METTL2B: variants seen among roughly 807,000 people sequenced by gnomAD.
The protein encoded by METTL2B is tRNA N(3)-cytidine methyltransferase METTL2B.
In METTL2B, 28 loss-of-function variants were observed where a neutral mutation model predicts 51.0. The observed-to-expected ratio is 0.55, with a 90% CI of 0.41 to 0.75. METTL2B has a LOEUF of 0.75. Among genes scored for constraint, METTL2B ranks in the 30% least tolerant of loss-of-function variants. The probability of loss-of-function intolerance (pLI) is 0.00; values close to 1 mark genes in which losing one functional copy is unlikely to be tolerated. For missense variants in METTL2B, 313 were observed against 460.7 expected, an observed-to-expected ratio of 0.68 and a Z score of 2.93; for synonymous variants, 128 against 166.3, an observed-to-expected ratio of 0.77 and a Z score of 1.77.
intron 5 of METTL2B, among the ~76,000 whole-genome samples, chr7:128,493,307 G>A (rs2116859834): frequency 6.6e-6 from 1 of 151,824 alleles, no homozygotes; most frequent in East Asian, 1.9e-4. Context: ...CTGCCTCCTG[G>A]GTTCAAGCGA....
intron 4 of METTL2B, among the ~76,000 whole-genome samples, chr7:128,485,435 G>T (rs145559828): frequency 0.016 from 2,366 of 152,076 alleles, 31 homozygotes; most frequent in South Asian, 0.056. Flanking sequence ...AGGCCGAGAC[G>T]GGCAGATCAC....
In METTL2B at chr7:128,484,218, T is replaced by TTTTTTTTTTTTGTTTTG. The variant is rs1554428808; in HGVS notation, c.608+3533_608+3534insGTTTTGTTTTTTTTTTT. Reference sequence around the variant, plus strand: ...TTGAGTTACCCTATTGCCTAGATCCTTTTTTTTTTTTTTTTTTTTTTTTTT... The same window carrying TTTTTTTTTTTTGTTTTG: ...TTGAGTTACCCTATTGCCTAGATCCTTTTTTTTTTTTGTTTTGTTTTTTTTTTTTTTTTTTTTTTTTT... On this transcript the variant is annotated intron_variant, in intron 4 of 8. Transcript: ENST00000262432. 5.0e-3 allele frequency: 209 copies of TTTTTTTTTTTTGTTTTG among 42,168 alleles called. 14 individuals carry two copies. Among genetic ancestry groups the TTTTTTTTTTTTGTTTTG allele is most frequent in the African/African-American group, 0.021 (203 of 9,478 alleles). The allele number at this position is 42,168 out of a possible 1,614,324, so 2.6% of individuals were successfully genotyped here.
At chr7:128,490,282 A>C (rs1206722043) in intron 5 of METTL2B, among the ~76,000 whole-genome samples, 2 of 152,052 alleles carry the variant, frequency 1.3e-5, no homozygotes, top group Admixed American at 6.6e-5. Context: ...AAAAAAGAAG[A>C]AGCAACAAGA....
At chr7:128,483,201 T>G (rs1363190820) in intron 4 of METTL2B, 2 of 152,240 alleles carry the variant, frequency 1.3e-5, no homozygotes, top group Non-Finnish European at 2.9e-5. Context: ...AGATGGCATC[T>G]TTGCCACAGC....
At chr7:128,488,037 A>G in intron 4 of METTL2B, 64 bp from the exon 5 acceptor site, 1 of 1,208,306 alleles carries the variant, frequency 8.3e-7, no homozygotes, top group Non-Finnish European at 1.2e-6. Flanking sequence ...TGTGCTACAC[A>G]AGAATGAGAG....
At chr7:128,492,561 C>T (rs527977198) in intron 5 of METTL2B, among the ~76,000 whole-genome samples, 34 of 152,104 alleles carry the variant, frequency 2.2e-4, no homozygotes, top group African/African-American at 7.9e-4. Flanking sequence ...GGATTCTAGG[C>T]GTGATCCACT....
intron 4 of METTL2B, among the ~76,000 whole-genome samples, chr7:128,482,431 T>C (rs1251901639): frequency 3.3e-5 from 5 of 150,210 alleles, no homozygotes; most frequent in South Asian, 4.2e-4. Context: ...TGGGATTATA[T>C]GTGTGAGCCG....
At chr7:128,493,755 G>A in intron 5 of METTL2B, 49 bp from the exon 6 acceptor site, 1 of 1,562,060 alleles carries the variant, frequency 6.4e-7, no homozygotes, top group Middle Eastern at 1.7e-4. Context: ...CTTTTCTTTG[G>A]GCTATGTTAA....
chr7:128,490,690 G>C (rs1328759746), intron 5 of METTL2B, among the ~76,000 whole-genome samples: 1 of 152,130 alleles, frequency 6.6e-6, no homozygotes, highest in African/African-American at 2.4e-5. Context: ...AGCTCACCCT[G>C]TTCAGGGGTT....
intron 6 of METTL2B, among the ~76,000 whole-genome samples, chr7:128,495,807 C>T (rs1375796097): frequency 1.3e-5 from 2 of 152,196 alleles, no homozygotes; most frequent in South Asian, 2.1e-4. Context: ...ATTCAGATAC[C>T]GTGGACTAAT....
chr7:128,483,369 CCCTATAAAGTATGT>C (rs1267521685), intron 4 of METTL2B: 1 of 152,208 alleles, frequency 6.6e-6, no homozygotes, highest in Non-Finnish European at 1.5e-5. Context: ...CAAGAGTGTG[CCCTATAAAGTATGT>C]CCTCTTATCC....
chr7:128,485,074 T>G (rs1456298506), intron 4 of METTL2B, among the ~76,000 whole-genome samples: 8 of 152,196 alleles, frequency 5.3e-5, no homozygotes, highest in African/African-American at 1.9e-4. Context: ...AGATTTATCT[T>G]GGGCTAATTT....
In METTL2B at chr7:128,476,872, C is replaced by T. The variant is rs772768554; in HGVS notation, c.107C>T (p.Ala36Val). ...SDPARVFHHN[A>V]WDNVEWSEEQ... ...CCGGCGCGCGTCTTCCACCACAATG[C>T]CTGGTAATCACCCTGCCCCCTCGCC... The change falls in exon 1 of 9, where the codon GCC becomes GTC. Residue 36 changes from alanine (A) to valine (V), a missense_variant. By Grantham distance (64) the Ala-to-Val change is moderately conservative (BLOSUM62 0). This residue lies in a region of METTL2B where 66 missense variants were observed against 58.2 expected (regional missense o/e 1.13). Transcript: ENST00000262432. 23 of 1,614,068 alleles carry T rather than the reference C, an allele frequency of 1.4e-5. No individual in the cohort carries two copies. The East Asian group carries it at 1.6e-4, about 11-fold the overall frequency.
chr7:128,489,039 C>T (rs1193171655), intron 5 of METTL2B, among the ~76,000 whole-genome samples: 1 of 152,140 alleles, frequency 6.6e-6, no homozygotes, highest in Admixed American at 6.6e-5. Flanking sequence ...CACTTAAACT[C>T]AGGAGGCGGA....
rs184046975 is a variant in METTL2B, at chr7:128,502,006, G to A, written c.*90G>A. The A allele has an allele frequency of 9.7e-6, 15 of 1,546,854 alleles. No homozygotes were observed. The highest frequency in any genetic ancestry group is 3.5e-4 in the Middle Eastern group (2 of 5,778). On this transcript the variant is annotated 3_prime_UTR_variant, in exon 9 of 9. Coordinates refer to ENST00000262432, the MANE Select transcript of METTL2B (RefSeq NM_018396.3). ...GTAGCACCGGGCATGGTGCATGCCT[G>A]TAATCCCAGCCACTCAGGAGGCTGA...
intron 7 of METTL2B, among the ~76,000 whole-genome samples, chr7:128,500,192 G>A (rs1465849999): frequency 1.3e-5 from 2 of 152,198 alleles, no homozygotes; most frequent in Admixed American, 1.3e-4. Flanking sequence ...GGGAAAGCAT[G>A]TTCATGATCA....
At position 128,476,970 on chromosome 7, in the gene METTL2B, A is replaced by G. The variant is rs567918605; in HGVS notation, c.110+95A>G. On this transcript the variant is annotated intron_variant, in intron 1 of 8. Coordinates refer to ENST00000262432, the MANE Select transcript of METTL2B (RefSeq NM_018396.3). ...AGCCCCTGACCGCCGGCCACGAGTC[A>G]AGCTGCCCTACCCGAGGCACTCTCC... 339 of 1,589,390 alleles carry G rather than the reference A, an allele frequency of 2.1e-4. 3 individuals are homozygous for G. Among genetic ancestry groups the G allele is most frequent in the Middle Eastern group, 5.1e-4 (3 of 5,888 alleles).
intron 7 of METTL2B, among the ~76,000 whole-genome samples, chr7:128,499,054 A>G (rs1365749819): frequency 6.6e-6 from 1 of 152,196 alleles, no homozygotes; most frequent in East Asian, 1.9e-4. Context: ...TGGCATGACA[A>G]AAGATGCCAT....
chr7:128,498,960 GC>G (rs1055154299), intron 7 of METTL2B, among the ~76,000 whole-genome samples: 3 of 149,528 alleles, frequency 2.0e-5, no homozygotes, highest in African/African-American at 7.4e-5. Context: ...TCGCACCATT[GC>G]ACTCCAGCCT....
Sources: gnomAD v4.1 joint callset for allele counts (sites outside exome capture counted in the v4.1 genomes callset) on GRCh38, gnomAD v4.1.1 for gene constraint, gnomAD v4.1.1 regional missense constraint, MANE v1.5 for transcripts, NCBI Gene and HGNC (gene_info 2026-07-23, HGNC 2026-07-21) for gene names.